PARP8: variants seen among roughly 807,000 people sequenced by gnomAD.
PARP8 encodes the protein poly(ADP-ribose) polymerase family member 8.
PARP8 carries 51 observed loss-of-function variants against 124.1 expected under a neutral mutation model. The observed-to-expected ratio is 0.41, with a 90% CI of 0.33 to 0.52. The LOEUF (loss-of-function observed/expected upper bound fraction) is 0.52, where lower values mean the gene tolerates loss of function less well. PARP8 is among the 20% of genes least tolerant of loss of function. PARP8 has a pLI of 0.21. For synonymous variants in PARP8, 391 were observed against 361.5 expected, an observed-to-expected ratio of 1.08 and a Z score of -0.93; for missense variants, 860 against 1,018.9, an observed-to-expected ratio of 0.84 and a Z score of 2.12.
At chr5:50,671,461 A>T (rs7449019) in intron 2 of PARP8, among the ~76,000 whole-genome samples, 135,983 of 151,750 alleles carry the variant, frequency 0.9, 60,986 homozygotes, top group East Asian at 1. Flanking sequence ...GTGAAAGTAT[A>T]ACTCTGAGGT....
rs575748388 is a variant in PARP8, at chr5:50,750,152, G to A, written c.148G>A (p.Val50Ile). Residue 50 changes from valine to isoleucine, a missense_variant and splice_region_variant, in exon 3 of 26, where the codon GTA (valine) becomes ATA (isoleucine). Physicochemically the swap from Val to Ile is conservative, Grantham distance 29. Coordinates refer to ENST00000281631, the MANE Select transcript of PARP8 (RefSeq NM_024615.4). ...TFTYVGGPRS[V>I]SYSVHVSEDY... ...TTTTTTGTTTGTTTGTTTTAACAGT[G>A]TATCCTACTCAGTACATGTATCTGA... 4 of 1,581,632 alleles carry A rather than the reference G, an allele frequency of 2.5e-6. No homozygotes were observed. The highest frequency in any genetic ancestry group is 3.5e-6 in the Non-Finnish European group (4 of 1,153,480).
intron 2 of PARP8, among the ~76,000 whole-genome samples, chr5:50,694,862 A>G (rs1032385733): frequency 3.9e-5 from 6 of 152,200 alleles, no homozygotes; most frequent in African/African-American, 1.2e-4. Context: ...GAGAGCCCCT[A>G]GCATATCACT....
chr5:50,808,234 A>C (rs756210192), intron 14 of PARP8, among the ~76,000 whole-genome samples: 14 of 151,688 alleles, frequency 9.2e-5, no homozygotes, highest in Non-Finnish European at 1.9e-4. Flanking sequence ...GATTTTGGGA[A>C]CTTCAGTATT....
At chr5:50,828,558 G>A (rs1746595882) in intron 21 of PARP8, among the ~76,000 whole-genome samples, 174 bp downstream of exon 21, 1 of 151,956 alleles carries the variant, frequency 6.6e-6, no homozygotes, top group African/African-American at 2.4e-5. Context: ...ACACAATGAT[G>A]TAAACACAAA....
chr5:50,677,911 G>A (rs1750821556), intron 2 of PARP8, among the ~76,000 whole-genome samples: 1 of 149,494 alleles, frequency 6.7e-6, no homozygotes, highest in African/African-American at 2.5e-5. Flanking sequence ...TGAATATTCT[G>A]ATTTACAGAA....
At chr5:50,719,057 T>C (rs1337555961) in intron 2 of PARP8, among the ~76,000 whole-genome samples, 1 of 152,044 alleles carries the variant, frequency 6.6e-6, no homozygotes, top group South Asian at 2.1e-4. Context: ...ATTTCTCTGA[T>C]TATTAAGGAT....
chr5:50,666,285 T>C (rs1186755565), upstream of PARP8: 2 of 152,432 alleles, frequency 1.3e-5, no homozygotes, highest in East Asian at 3.9e-4. Flanking sequence ...TTTTTAAAGA[T>C]TTTCTTTTCC....
At chr5:50,809,939 G>A (rs1406037037) in intron 14 of PARP8, among the ~76,000 whole-genome samples, 1 of 151,922 alleles carries the variant, frequency 6.6e-6, no homozygotes. Context: ...TAAATTCATG[G>A]AAAACATAAA....
intron 25 of PARP8, among the ~76,000 whole-genome samples, chr5:50,838,082 A>G (rs1250894756): frequency 6.6e-6 from 1 of 152,142 alleles, no homozygotes; most frequent in East Asian, 1.9e-4. Context: ...TGCTCACGTT[A>G]TAACTGTTTG....
At chr5:50,803,845 T>A (rs932089365) in intron 14 of PARP8, among the ~76,000 whole-genome samples, 10 of 152,158 alleles carry the variant, frequency 6.6e-5, no homozygotes, top group African/African-American at 2.4e-4. Context: ...AGGTCTTACT[T>A]TCTTATTTCT....
At chr5:50,813,255 C>T (rs955691062) in intron 14 of PARP8, among the ~76,000 whole-genome samples, 2 of 152,024 alleles carry the variant, frequency 1.3e-5, no homozygotes, top group African/African-American at 4.8e-5. Flanking sequence ...TGTTTGTATC[C>T]TCTTTTATTT....
At chr5:50,838,048 A>G (rs1407532608) in intron 25 of PARP8, among the ~76,000 whole-genome samples, 3 of 152,066 alleles carry the variant, frequency 2.0e-5, no homozygotes, top group Non-Finnish European at 4.4e-5. Context: ...AGGGCTGGAG[A>G]TGTGAATGTA....
intron 3 of PARP8, among the ~76,000 whole-genome samples, chr5:50,754,409 C>T (rs1759674402): frequency 6.6e-6 from 1 of 151,606 alleles, no homozygotes; most frequent in Admixed American, 6.6e-5. Flanking sequence ...GTTCAATTCC[C>T]ACCTATGAGT....
At chr5:50,787,359 C>T (rs1452401182) in intron 9 of PARP8, among the ~76,000 whole-genome samples, 2 of 152,200 alleles carry the variant, frequency 1.3e-5, no homozygotes, top group African/African-American at 2.4e-5. Context: ...TCTCCCTACA[C>T]TGTTCTCCAA....
intron 2 of PARP8, among the ~76,000 whole-genome samples, chr5:50,710,349 C>A (rs1014843599): frequency 2.0e-5 from 3 of 151,966 alleles, no homozygotes; most frequent in African/African-American, 7.2e-5. Context: ...AATCCATCTC[C>A]CACTGACTTT....
At chr5:50,754,425 C>A (rs372438468) in intron 3 of PARP8, among the ~76,000 whole-genome samples, 1 of 151,462 alleles carries the variant, frequency 6.6e-6, no homozygotes, top group Non-Finnish European at 1.5e-5. Context: ...TGAGTGAGAA[C>A]ATGTGGTGTT....
At chr5:50,743,237 G>A (rs778202637) in intron 2 of PARP8, among the ~76,000 whole-genome samples, 11 of 152,252 alleles carry the variant, frequency 7.2e-5, no homozygotes, top group Middle Eastern at 6.8e-3. Context: ...AGGAAAAGAA[G>A]GTCCTAGAGC....
chr5:50,699,328 C>T (rs573353820), intron 2 of PARP8, among the ~76,000 whole-genome samples: 17 of 152,286 alleles, frequency 1.1e-4, no homozygotes, highest in East Asian at 1.9e-4. Context: ...TACGTAAGTC[C>T]GTTCCCTAAA....
chr5:50,761,295 A>T (rs928849066), intron 5 of PARP8, among the ~76,000 whole-genome samples: 1 of 152,138 alleles, frequency 6.6e-6, no homozygotes, highest in African/African-American at 2.4e-5. Context: ...TAAATTAAAT[A>T]CCCTTTTGAA....
Sources: allele counts gnomAD v4.1 joint callset (sites outside exome capture counted in the v4.1 genomes callset), GRCh38; gene constraint gnomAD v4.1.1; transcripts MANE v1.5; gene names NCBI Gene and HGNC (gene_info 2026-07-23, HGNC 2026-07-21).